Variants in MGAM2 observed in about 807,000 individuals in gnomAD.
MGAM2 encodes maltase-glucoamylase 2 (putative).
A neutral mutation model predicts 96.1 loss-of-function variants in MGAM2; 98 were observed. The observed-to-expected ratio is 1.02, with a 90% CI of 0.87 to 1.21. MGAM2 has a LOEUF of 1.21. Among genes scored for constraint, MGAM2 ranks in the 50% most tolerant of loss-of-function variants. The pLI, the probability that MGAM2 is intolerant of heterozygous loss-of-function variation, is 0.00. For synonymous variants in MGAM2, 749 were observed against 414.8 expected, an observed-to-expected ratio of 1.81 and a Z score of -9.79; for missense variants, 2,055 against 1,182.4, an observed-to-expected ratio of 1.74 and a Z score of -10.82.
chr7:142,147,271 T>C (rs1329964481), intron 14 of MGAM2, among the ~76,000 whole-genome samples, 185 bp from the exon 15 acceptor site: 1 of 152,228 alleles, frequency 6.6e-6, no homozygotes, highest in Non-Finnish European at 1.5e-5. Context: ...TCCATCTCCT[T>C]GGAGGTCTCA....
At position 142,197,425 on chromosome 7, in the gene MGAM2, C is replaced by T. The variant is rs1797079509; in HGVS notation, c.4658C>T (p.Ser1553Leu). ...TRRQDPVAWN[S>L]TFEMLSRKVL... ...AGACAAGATCCTGTGGCCTGGAATTCAACCTTTGAGATGTTGTCCAGAAAA... is the reference window on the plus strand; with the variant it reads ...AGACAAGATCCTGTGGCCTGGAATTTAACCTTTGAGATGTTGTCCAGAAAA... Residue 1553 changes from serine to leucine, a missense_variant, in exon 41 of 48, where the codon TCA (serine) becomes TTA (leucine). Coordinates refer to ENST00000477922, the MANE Select transcript of MGAM2 (RefSeq NM_001293626.2). 1.4e-6 allele frequency: 1 copy of T among 702,998 alleles called. No homozygotes were observed. The highest frequency in any genetic ancestry group is 2.7e-5 in the East Asian group (1 of 37,280). 43.5% of individuals were successfully genotyped at this position (702,998 alleles called of 1,614,324 possible).
rs1796258108 is a variant in MGAM2, at chr7:142,173,280, A to T, written c.3613A>T (p.Ser1205Cys). 1.4e-6 allele frequency: 1 copy of T among 703,144 alleles called. No individual in the cohort carries two copies. Among genetic ancestry groups the T allele is most frequent in the Non-Finnish European group, 2.6e-6 (1 of 384,948 alleles). 43.6% of individuals were successfully genotyped at this position (703,144 alleles called of 1,614,324 possible). A position where few individuals can be genotyped will look rare whatever the true frequency, so the allele number is the denominator to read the frequency against. Residue 1205 changes from serine (S) to cysteine (C), a missense_variant, in exon 31 of 48, where the codon AGT (serine) becomes TGT (cysteine). Transcript: ENST00000477922. The part of the protein sequence containing the change: ...IPYWALGFHL[S>C]RYGYQNDAEI... The stretch of plus-strand genomic sequence containing the variant: ...ATACTGGGCCTTGGGATTCCATCTG[A>T]GTCGCTATGGATACCAGAATGATGC...
At chr7:142,144,763 G>A in intron 13 of MGAM2, 98 bp from the exon 14 acceptor site, 3 of 575,516 alleles carry the variant, frequency 5.2e-6, no homozygotes, top group South Asian at 4.4e-5. Flanking sequence ...AGTTGATAAG[G>A]GACCCAGATA....
Position 142,186,038 on chromosome 7 carries a change from C to A in MGAM2, c.4037C>A (p.Ala1346Asp). ...CCTGACTTCTTTCGTAATAGCACAG[C>A]TGCGTGGTGGAAGAAAGAGATAGAA... ...AFPDFFRNST[A>D]AWWKKEIEEL... is the part of the protein sequence containing the mutation. Residue 1346 changes from alanine (A) to aspartate (D), a missense_variant, in exon 35 of 48, where the codon GCT becomes GAT. Physicochemically the swap from Ala to Asp is moderately radical, Grantham distance 126. Transcript: ENST00000477922. The A allele has an allele frequency of 1.4e-6, 1 of 704,704 alleles. No individual in the cohort carries two copies. The highest frequency in any genetic ancestry group is 2.7e-5 in the East Asian group (1 of 37,280). The allele number at this position is 704,704 out of a possible 1,614,324, so 43.7% of individuals were successfully genotyped here. A position where few individuals can be genotyped will look rare whatever the true frequency, so the allele number is the denominator to read the frequency against.
chr7:142,140,400 C>T (rs1244010195), intron 10 of MGAM2, among the ~76,000 whole-genome samples: 1 of 152,138 alleles, frequency 6.6e-6, no homozygotes, highest in Non-Finnish European at 1.5e-5. Context: ...TCATTTTCTC[C>T]TCATATGATA....
chr7:142,200,779 C>T (rs1797197343), intron 45 of MGAM2, among the ~76,000 whole-genome samples: 1 of 152,038 alleles, frequency 6.6e-6, no homozygotes, highest in South Asian at 2.1e-4. Flanking sequence ...ATATTCTTTA[C>T]AACACATGTT....
chr7:142,222,030 A>G lies in MGAM2; in HGVS notation c.7519A>G (p.Asn2507Asp). Residue 2507 changes from asparagine to aspartate, a missense_variant, in exon 48 of 48, where the codon AAT becomes GAT. Coordinates refer to ENST00000477922, the MANE Select transcript of MGAM2 (RefSeq NM_001293626.2). ...TSATAPTYIANAINATQVP is the reference protein window; with the variant it reads ...TSATAPTYIADAINATQVP Reference sequence around the variant, plus strand: ...TGCTACTGCACCTACTTATATTGCAAATGCCATAAATGCTACTCAAGTTCC... The same window carrying G: ...TGCTACTGCACCTACTTATATTGCAGATGCCATAAATGCTACTCAAGTTCC... 2.5e-6 allele frequency: 1 copy of G among 398,360 alleles called. No homozygotes were observed. The highest frequency in any genetic ancestry group is 4.4e-6 in the Non-Finnish European group (1 of 225,852). 24.7% of individuals were successfully genotyped at this position (398,360 alleles called of 1,614,324 possible).
chr7:142,139,584 C>T (rs547335123), intron 10 of MGAM2, among the ~76,000 whole-genome samples: 33 of 150,396 alleles, frequency 2.2e-4, no homozygotes, highest in Non-Finnish European at 4.0e-4. Flanking sequence ...TCACTTGAAC[C>T]TGGAGGCAGA....
At chr7:142,210,550 C>T (rs1319962151) in intron 46 of MGAM2, among the ~76,000 whole-genome samples, 2 of 152,174 alleles carry the variant, frequency 1.3e-5, no homozygotes, top group African/African-American at 4.8e-5. Context: ...GTTTTCCCCT[C>T]ACAGTGTAAA....
chr7:142,173,802 C>T (rs1431687983), intron 31 of MGAM2, among the ~76,000 whole-genome samples: 1 of 152,128 alleles, frequency 6.6e-6, no homozygotes, highest in African/African-American at 2.4e-5. Context: ...TGGGTTGGTA[C>T]TGCATAGAGA....
chr7:142,149,830 C>G (rs564792533), intron 15 of MGAM2, among the ~76,000 whole-genome samples: 2 of 152,178 alleles, frequency 1.3e-5, no homozygotes, highest in Non-Finnish European at 2.9e-5. Context: ...CGTGAGCCAC[C>G]GCGCCCGGCC....
chr7:142,200,032 C>CTTTTT (rs1797175527), intron 45 of MGAM2, 64 bp downstream of exon 45: 2 of 582,928 alleles, frequency 3.4e-6, no homozygotes, highest in African/African-American at 3.8e-5. Flanking sequence ...AGAGGCTCGG[C>CTTTTT]ATATAACTAA....
At chr7:142,164,606 C>T (rs1282772480) in intron 23 of MGAM2, among the ~76,000 whole-genome samples, 4 of 151,770 alleles carry the variant, frequency 2.6e-5, no homozygotes, top group Non-Finnish European at 4.4e-5. Flanking sequence ...GTGTCAGGGA[C>T]GTATTTTCCG....
chr7:142,171,568 A>T (rs1030417155), intron 28 of MGAM2, 128 bp downstream of exon 28: 1 of 464,922 alleles, frequency 2.2e-6, no homozygotes, highest in Non-Finnish European at 3.9e-6. Flanking sequence ...TCTCAGTTGT[A>T]ATAGAGCACG....
chr7:142,143,274 G>C (rs1795287298), intron 12 of MGAM2, among the ~76,000 whole-genome samples: 1 of 152,146 alleles, frequency 6.6e-6, no homozygotes, highest in Non-Finnish European at 1.5e-5. Flanking sequence ...ACAGAAAAGG[G>C]AGGTAGAATT....
In MGAM2 at chr7:142,138,660, T is replaced by C; in HGVS notation, c.1079T>C (p.Ile360Thr). Residue 360 changes from isoleucine (I) to threonine (T), a missense_variant, in exon 10 of 48, where the codon ATA becomes ACA. Transcript: ENST00000477922. ...GTAAGCCGAAATCGTTTAGCTGAGA[T>C]ACCATATGTAAGTCGAAACTTCTTT... ...EVVSRNRLAE[I>T]PYDVQYSDID... The C allele has an allele frequency of 4.3e-6, 3 of 701,674 alleles. No individual in the cohort carries two copies. Among genetic ancestry groups the C allele is most frequent in the Non-Finnish European group, 5.2e-6 (2 of 384,582 alleles). The allele number at this position is 701,674 out of a possible 1,614,324, so 43.5% of individuals were successfully genotyped here. A position where few individuals can be genotyped will look rare whatever the true frequency, so the allele number is the denominator to read the frequency against.
chr7:142,200,975 T>G (rs6948878), intron 45 of MGAM2, among the ~76,000 whole-genome samples: 1,489 of 87,688 alleles, frequency 0.017, 27 homozygotes, highest in African/African-American at 0.06. Context: ...TATTATTTGT[T>G]CCTTATAAAT....
chr7:142,159,251 G>T (rs771979774), intron 19 of MGAM2, 36 bp from the exon 20 acceptor site: 1 of 700,592 alleles, frequency 1.4e-6, no homozygotes, highest in Non-Finnish European at 2.6e-6. Context: ...GTAGAGAGGG[G>T]TATGCTAATG....
In MGAM2 at chr7:142,218,513, G is replaced by C. The variant is rs1389995881; in HGVS notation, c.5340G>C (p.Lys1780Asn). The C allele has an allele frequency of 1.4e-6, 1 of 699,370 alleles. No individual in the cohort carries two copies. The highest frequency in any genetic ancestry group is 2.6e-6 in the Non-Finnish European group (1 of 383,678). 43.3% of individuals were successfully genotyped at this position (699,370 alleles called of 1,614,324 possible). Reference sequence around the variant, plus strand: ...GGCAATTTATGGAGACAAATTTCAAGAGTGAACCTTATAATCAGGTAGGTC... The same window carrying C: ...GGCAATTTATGGAGACAAATTTCAACAGTGAACCTTATAATCAGGTAGGTC... ...DNRQFMETNF[K>N]SEPYNQILTI... Residue 1780 changes from lysine to asparagine, a missense_variant, in exon 47 of 48, where the codon AAG becomes AAC. Physicochemically the swap from Lys to Asn is moderately conservative, Grantham distance 94. Transcript: ENST00000477922.
Sources: allele counts gnomAD v4.1 joint callset (sites outside exome capture counted in the v4.1 genomes callset), GRCh38; gene constraint gnomAD v4.1.1; transcripts MANE v1.5; gene names NCBI Gene and HGNC (gene_info 2026-07-23, HGNC 2026-07-21).